FAR1: variants seen among roughly 807,000 people sequenced by gnomAD.
FAR1 encodes fatty acyl-CoA reductase 1.
Under a neutral mutation model 61.1 loss-of-function variants are expected in FAR1, and 22 were observed. The ratio of observed to expected loss-of-function variants is 0.36; its 90% CI spans 0.26 to 0.51. The LOEUF (loss-of-function observed/expected upper bound fraction) is 0.51. Among genes scored for constraint, FAR1 ranks in the 20% least tolerant of loss-of-function variants. FAR1 has a pLI of 0.95. For synonymous variants in FAR1, 206 were observed against 209.7 expected (o/e 0.98, Z 0.15); for missense variants, 359 against 626.9 (o/e 0.57, Z 4.56).
chr11:13,685,385 C>A, intron 1 of FAR1: 1 of 164,246 alleles, frequency 6.1e-6, no homozygotes, highest in South Asian at 1.5e-4. Flanking sequence ...AAAATATATT[C>A]CCAATAAGAC....
Position 13,711,824 on chromosome 11 carries a change from G to C in FAR1, c.768+16G>C. On this transcript the variant is annotated intron_variant, in intron 6 of 11. Coordinates refer to ENST00000354817, the MANE Select transcript of FAR1 (RefSeq NM_032228.6). ...CTTTATTGCGGTAAGTAAACCTTTT[G>C]ATTTATTTAATATTCTATACATTTT... 1 of 1,591,068 alleles carries C rather than the reference G, an allele frequency of 6.3e-7. No individual in the cohort carries two copies. Among genetic ancestry groups the C allele is most frequent in the Non-Finnish European group, 8.6e-7 (1 of 1,166,400 alleles).
At chr11:13,677,917 T>C (rs1711519323) in intron 1 of FAR1, among the ~76,000 whole-genome samples, 1 of 152,240 alleles carries the variant, frequency 6.6e-6, no homozygotes, top group African/African-American at 2.4e-5. Context: ...TATCAATATA[T>C]TCTCTACAGT....
rs1848359090 is a variant in FAR1, at chr11:13,700,436, T to G, written c.309T>G (p.Asp103Glu). ...LSEEDKEVII[D>E]STNIIFHCAA... Reference sequence around the variant, plus strand: ...AAGAAGATAAAGAGGTGATCATAGATTCTACCAATATTATATTCCACTGTG... The same window carrying G: ...AAGAAGATAAAGAGGTGATCATAGAGTCTACCAATATTATATTCCACTGTG... Residue 103 changes from aspartate (D) to glutamate (E), a missense_variant, in exon 3 of 12, where the codon GAT (aspartate) becomes GAG (glutamate). Around this residue, in one of 2 missense-constraint regions of FAR1, gnomAD observed 344 missense variants for 570.3 expected, o/e 0.60. Coordinates refer to ENST00000354817, the MANE Select transcript of FAR1 (RefSeq NM_032228.6). 6.3e-7 allele frequency: 1 copy of G among 1,590,650 alleles called. No homozygotes were observed. The highest frequency in any genetic ancestry group is 1.4e-5 in the African/African-American group (1 of 73,314).
chr11:13,670,555 G>C (rs183864707), intron 1 of FAR1, among the ~76,000 whole-genome samples: 3 of 152,282 alleles, frequency 2.0e-5, no homozygotes, highest in Admixed American at 2.0e-4. Flanking sequence ...GCCTCCCAAA[G>C]TGCTGGGATT....
chr11:13,708,082 A>G lies in FAR1; in HGVS notation c.545+3A>G, dbSNP rs765952762. 6.4e-7 allele frequency: 1 copy of G among 1,566,754 alleles called. No homozygotes were observed. The highest frequency in any genetic ancestry group is 1.2e-5 in the South Asian group (1 of 83,160). Reference sequence around the variant, plus strand: ...AAGAAGCTGATTGATTCTTTAGAGTATGTTTGTTTGAAATTTATATACATT... The same window carrying G: ...AAGAAGCTGATTGATTCTTTAGAGTGTGTTTGTTTGAAATTTATATACATT... On this transcript the variant is annotated splice_donor_region_variant and intron_variant, in intron 4 of 11. Transcript: ENST00000354817.
At chr11:13,707,382 A>G (rs1848444345) in intron 3 of FAR1, among the ~76,000 whole-genome samples, 1 of 152,184 alleles carries the variant, frequency 6.6e-6, no homozygotes, top group Non-Finnish European at 1.5e-5. Context: ...ATTGATTGCT[A>G]CAAAGAGGAA....
Position 13,729,023 on chromosome 11 carries a change from G to C in FAR1, c.*249G>C. 1 of 333,864 alleles carries C rather than the reference G, an allele frequency of 3.0e-6. No individual in the cohort carries two copies. The highest frequency in any genetic ancestry group is 4.5e-5 in the South Asian group (1 of 22,458). The allele number at this position is 333,864 out of a possible 1,614,324, so 20.7% of individuals were successfully genotyped here. Reference sequence around the variant, plus strand: ...CCATGACTTAATATTTTGAGCCCTAGAAGAAAGGGGTGTGCTGAGGACAAG... The same window carrying C: ...CCATGACTTAATATTTTGAGCCCTACAAGAAAGGGGTGTGCTGAGGACAAG... On this transcript the variant is annotated 3_prime_UTR_variant, in exon 12 of 12. Coordinates refer to ENST00000354817, the MANE Select transcript of FAR1 (RefSeq NM_032228.6).
intron 5 of FAR1, 103 bp from the exon 6 acceptor site, chr11:13,711,661 G>A: frequency 2.3e-6 from 2 of 872,626 alleles, no homozygotes; most frequent in Non-Finnish European, 3.7e-6. Flanking sequence ...GTTTTTAGAA[G>A]ACAGCTACCA....
chr11:13,697,758 C>T (rs919212427), intron 2 of FAR1, among the ~76,000 whole-genome samples: 11 of 152,168 alleles, frequency 7.2e-5, no homozygotes, highest in African/African-American at 2.4e-4. Context: ...TGAAGAAGTA[C>T]GAATCAGGGT....
In FAR1 at chr11:13,710,784, T is replaced by C; in HGVS notation, c.637T>C (p.Tyr213His). ...CATATACACAAAAGCATTGGCAGAA[T>C]ATGTTGTACAACAAGAAGGAGCAAA... Reference protein sequence around the residue: ...TYIYTKALAEYVVQQEGAKLN... With the variant: ...TYIYTKALAEHVVQQEGAKLN... The change falls in exon 5 of 12, where the codon TAT (tyrosine) becomes CAT (histidine). Residue 213 changes from tyrosine to histidine, a missense_variant. Physicochemically the swap from Tyr to His is moderately conservative, Grantham distance 83. Coordinates refer to ENST00000354817, the MANE Select transcript of FAR1 (RefSeq NM_032228.6). 6.2e-7 allele frequency: 1 copy of C among 1,613,112 alleles called. No homozygotes were observed.
intron 3 of FAR1, among the ~76,000 whole-genome samples, chr11:13,705,210 A>G (rs1278002406): frequency 3.3e-5 from 5 of 152,160 alleles, no homozygotes; most frequent in Admixed American, 2.0e-4. Context: ...CATATAACCA[A>G]AACAATGAGA....
chr11:13,671,383 G>A (rs1214786579), intron 1 of FAR1, among the ~76,000 whole-genome samples: 1 of 152,188 alleles, frequency 6.6e-6, no homozygotes, highest in Non-Finnish European at 1.5e-5. Flanking sequence ...AATCAACCAA[G>A]GCTATGTTGC....
chr11:13,707,503 A>G (rs1459459901), intron 3 of FAR1, among the ~76,000 whole-genome samples: 1 of 152,168 alleles, frequency 6.6e-6, no homozygotes, highest in African/African-American at 2.4e-5. Flanking sequence ...AAAATTACTT[A>G]ACCATTCTAT....
chr11:13,713,180 C>A, intron 8 of FAR1, 147 bp downstream of exon 8: 2 of 712,698 alleles, frequency 2.8e-6, no homozygotes, highest in Non-Finnish European at 5.0e-6. Flanking sequence ...TATTATCTAC[C>A]AATACTACCT....
chr11:13,687,353 A>G (rs1217748370), intron 1 of FAR1, among the ~76,000 whole-genome samples: 1 of 152,258 alleles, frequency 6.6e-6, no homozygotes, highest in Non-Finnish European at 1.5e-5. Flanking sequence ...TACCTTTCAC[A>G]GTCCTGTCGT....
At chr11:13,724,255 T>C (rs919079390) in intron 10 of FAR1, among the ~76,000 whole-genome samples, 2 of 151,136 alleles carry the variant, frequency 1.3e-5, no homozygotes, top group Non-Finnish European at 1.5e-5. Flanking sequence ...AGGCCTTAAA[T>C]AGACAGTAGG....
In FAR1 at chr11:13,721,711, C is replaced by A; in HGVS notation, c.1128-19C>A. On this transcript the variant is annotated intron_variant, in intron 9 of 11. Transcript: ENST00000354817. The surrounding 1 kb of genome is among the most constrained non-coding windows in gnomAD (Gnocchi z 4.2). ...AATCTATACAAAATATGAATCTGTC[C>A]ATTTTTCTTACAATACAGGATGATG... 1 of 1,604,428 alleles carries A rather than the reference C, an allele frequency of 6.2e-7. No individual in the cohort carries two copies. Among genetic ancestry groups the A allele is most frequent in the East Asian group, 2.3e-5 (1 of 44,412 alleles).
intron 1 of FAR1, among the ~76,000 whole-genome samples, chr11:13,691,878 A>C (rs1313566736): frequency 2.0e-5 from 3 of 152,204 alleles, no homozygotes; most frequent in Non-Finnish European, 1.5e-5. Context: ...CCAAAATTCA[A>C]AACTTTTGAC....
chr11:13,721,104 T>A lies in FAR1; in HGVS notation c.1128-626T>A, dbSNP rs1303082004. On this transcript the variant is annotated intron_variant, in intron 9 of 11. Coordinates refer to ENST00000354817, the MANE Select transcript of FAR1 (RefSeq NM_032228.6). This position sits in a 1 kb window ranked among gnomAD's most constrained non-coding sequence, Gnocchi z 4.2. ...TATTGGTGGGGTATGGAGAGGTGAG[T>A]GGATATCTATTTCAGATAGTTTTCA... 6.6e-6 allele frequency: 1 copy of A among 152,082 alleles called. No individual in the cohort carries two copies. The highest frequency in any genetic ancestry group is 1.5e-5 in the Non-Finnish European group (1 of 68,018). The allele number at this position is 152,082 out of a possible 1,614,324, so 9.4% of individuals were successfully genotyped here.
Sources: gnomAD v4.1 joint callset for allele counts (sites outside exome capture counted in the v4.1 genomes callset) on GRCh38, gnomAD v4.1.1 for gene constraint, gnomAD v4.1.1 regional missense constraint, Gnocchi (gnomAD v3.1) non-coding constraint, MANE v1.5 for transcripts, NCBI Gene and HGNC (gene_info 2026-07-23, HGNC 2026-07-21) for gene names.